Variants in MCTP1 observed in about 807,000 individuals in gnomAD.
The protein encoded by MCTP1 is multiple C2 and transmembrane domain-containing protein 1.
In MCTP1, 69 loss-of-function variants were observed where a neutral mutation model predicts 120.6. The ratio of observed to expected loss-of-function variants is 0.57; its 90% CI spans 0.47 to 0.70. MCTP1 has a LOEUF of 0.70. Among genes scored for constraint, MCTP1 ranks in the 30% least tolerant of loss-of-function variants. MCTP1 has a pLI of 0.00. For missense variants in MCTP1, 1,203 were observed against 1,248.8 expected, an observed-to-expected ratio of 0.96 and a Z score of 0.55; for synonymous variants, 529 against 493.1, an observed-to-expected ratio of 1.07 and a Z score of -0.96.
At chr5:94,977,650 T>C (rs1181621754) in intron 2 of MCTP1, among the ~76,000 whole-genome samples, 1 of 151,916 alleles carries the variant, frequency 6.6e-6, no homozygotes, top group African/African-American at 2.4e-5. Context: ...AGAATGAAAA[T>C]CAATCCATGC....
At chr5:95,098,258 G>T (rs1445628787) in intron 1 of MCTP1, among the ~76,000 whole-genome samples, 1 of 152,144 alleles carries the variant, frequency 6.6e-6, no homozygotes, top group Non-Finnish European at 1.5e-5. Context: ...TTTTTAGTGT[G>T]TGTATGTTGT....
At chr5:94,712,887 C>T (rs1757599213) in intron 20 of MCTP1, among the ~76,000 whole-genome samples, 1 of 152,000 alleles carries the variant, frequency 6.6e-6, no homozygotes, top group African/African-American at 2.4e-5. Flanking sequence ...GAAAACCTTC[C>T]TTCTGGGCAG....
chr5:94,927,665 A>T (rs1813503548), intron 6 of MCTP1, among the ~76,000 whole-genome samples: 1 of 152,168 alleles, frequency 6.6e-6, no homozygotes, highest in Non-Finnish European at 1.5e-5. Flanking sequence ...ACTGTGTGAG[A>T]TACTTAAAGA....
intron 1 of MCTP1, among the ~76,000 whole-genome samples, chr5:95,019,005 G>A (rs1244862086): frequency 1.3e-5 from 2 of 151,852 alleles, no homozygotes; most frequent in African/African-American, 2.4e-5. Flanking sequence ...TTTTGTGGTT[G>A]GGCTTTCAGT....
chr5:95,206,877 G>T (rs997824901), intron 1 of MCTP1, among the ~76,000 whole-genome samples: 9 of 152,156 alleles, frequency 5.9e-5, no homozygotes, highest in Middle Eastern at 3.4e-3. Context: ...TTTGCATTAG[G>T]TCACAAAATT....
chr5:94,933,629 T>G (rs1044710655), intron 5 of MCTP1, among the ~76,000 whole-genome samples: 10 of 151,878 alleles, frequency 6.6e-5, no homozygotes, highest in Admixed American at 3.3e-4. Flanking sequence ...CTACAATTCA[T>G]GGTCACTTAT....
chr5:95,214,615 C>T (rs1402385363), intron 1 of MCTP1, among the ~76,000 whole-genome samples: 1 of 152,126 alleles, frequency 6.6e-6, no homozygotes, highest in Non-Finnish European at 1.5e-5. Flanking sequence ...GGAACCACTC[C>T]AAATGTCCAA....
chr5:95,284,661 T>C lies in MCTP1; in HGVS notation c.-86A>G. The C allele has an allele frequency of 2.1e-6, 2 of 936,638 alleles. No homozygotes were observed. The highest frequency in any genetic ancestry group is 2.1e-5 in the South Asian group (1 of 47,606). The allele number at this position is 936,638 out of a possible 1,614,324, so 58.0% of individuals were successfully genotyped here. On this transcript the variant is annotated 5_prime_UTR_variant, in exon 1 of 23. Coordinates refer to ENST00000515393, the MANE Select transcript of MCTP1 (RefSeq NM_024717.7). This position sits in a 1 kb window ranked among gnomAD's most constrained non-coding sequence, Gnocchi z 5.2. ...CTCTTCGGCTGCACCTCCTCCCGGGTCCCCGCGGCGCTGGCGGTGGCGGCG... is the reference window on the plus strand; with the variant it reads ...CTCTTCGGCTGCACCTCCTCCCGGGCCCCCGCGGCGCTGGCGGTGGCGGCG...
intron 1 of MCTP1, among the ~76,000 whole-genome samples, chr5:95,253,328 G>A (rs1050399747): frequency 4.6e-5 from 7 of 152,050 alleles, no homozygotes; most frequent in African/African-American, 1.4e-4. Flanking sequence ...TAAGAACACT[G>A]CCAGGGGGTG....
At chr5:95,186,428 C>T (rs1385084859) in intron 1 of MCTP1, among the ~76,000 whole-genome samples, 1 of 151,792 alleles carries the variant, frequency 6.6e-6, no homozygotes, top group African/African-American at 2.4e-5. Flanking sequence ...AGAATCACTT[C>T]AAAGAAAATG....
intron 19 of MCTP1, among the ~76,000 whole-genome samples, chr5:94,757,231 T>C (rs1770120633): frequency 6.6e-6 from 1 of 152,198 alleles, no homozygotes; most frequent in South Asian, 2.1e-4. Flanking sequence ...GGACTTCCTA[T>C]TGGCTGAAGC....
At chr5:95,197,262 C>T (rs1413205624) in intron 1 of MCTP1, among the ~76,000 whole-genome samples, 1 of 152,156 alleles carries the variant, frequency 6.6e-6, no homozygotes, top group African/African-American at 2.4e-5. Context: ...CTTTGTAATA[C>T]TGATAAGATT....
intron 11 of MCTP1, 75 bp downstream of exon 11, chr5:94,894,574 T>C: frequency 1.8e-6 from 2 of 1,127,232 alleles, no homozygotes; most frequent in East Asian, 2.5e-5. Flanking sequence ...GAAGTACTTC[T>C]GTCCCTCCAG....
At chr5:94,942,502 A>G in intron 3 of MCTP1, 75 bp from the exon 4 acceptor site, 1 of 1,065,514 alleles carries the variant, frequency 9.4e-7, no homozygotes. Flanking sequence ...TCTTGGTCAT[A>G]AAATGTTGGT....
intron 2 of MCTP1, among the ~76,000 whole-genome samples, chr5:94,994,433 A>T (rs1270344781): frequency 6.6e-6 from 1 of 152,182 alleles, no homozygotes; most frequent in East Asian, 1.9e-4. Context: ...TGAGTAAATA[A>T]TCCTTTACTG....
chr5:94,775,379 G>A (rs1775065456), intron 19 of MCTP1, among the ~76,000 whole-genome samples: 1 of 152,128 alleles, frequency 6.6e-6, no homozygotes, highest in Admixed American at 6.5e-5. Flanking sequence ...TCATTAATTA[G>A]ATGTCTAGAT....
chr5:94,740,457 G>A (rs1765259424), intron 19 of MCTP1, among the ~76,000 whole-genome samples: 2 of 152,144 alleles, frequency 1.3e-5, no homozygotes, highest in African/African-American at 4.8e-5. Flanking sequence ...ACTGAATGGG[G>A]GAAATCTAGA....
rs558414954 is a variant in MCTP1, at chr5:95,136,113, C to T, written c.721-118629G>A. ...CCAGAACATTTAAGCACTTGCTTCT[C>T]CTCATGTACATGTCTTGGTAATCAT... On this transcript the variant is annotated intron_variant, in intron 1 of 22. Coordinates refer to ENST00000515393, the MANE Select transcript of MCTP1 (RefSeq NM_024717.7). 2.0e-4 allele frequency among the ~76,000 whole-genome samples: 30 copies of T among 152,292 alleles called. 1 individual carries two copies. In the South Asian group the frequency reaches 5.6e-3, roughly 28 times the overall value.
At chr5:94,900,482 C>A (rs1410359355) in intron 10 of MCTP1, among the ~76,000 whole-genome samples, 1 of 152,228 alleles carries the variant, frequency 6.6e-6, no homozygotes, top group Non-Finnish European at 1.5e-5. Context: ...GCTCATTCTA[C>A]CACTTCTATA....
Sources: gnomAD v4.1 joint callset for allele counts (sites outside exome capture counted in the v4.1 genomes callset) on GRCh38, gnomAD v4.1.1 for gene constraint, Gnocchi (gnomAD v3.1) non-coding constraint, MANE v1.5 for transcripts, NCBI Gene and HGNC (gene_info 2026-07-23, HGNC 2026-07-21) for gene names.